THSD7B: variants seen among roughly 807,000 people sequenced by gnomAD.
THSD7B encodes thrombospondin type 1 domain containing 7B.
In THSD7B, 138 loss-of-function variants were observed where a neutral mutation model predicts 213.6. The observed-to-expected ratio is 0.65, with a 90% CI of 0.56 to 0.74. THSD7B has a LOEUF of 0.74. Among genes scored for constraint, THSD7B ranks in the 30% least tolerant of loss-of-function variants. THSD7B has a pLI of 0.00. For synonymous variants in THSD7B, 742 were observed against 687.0 expected (o/e 1.08, Z -1.25); for missense variants, 1,931 against 1,991.5 (o/e 0.97, Z 0.58).
intron 15 of THSD7B, among the ~76,000 whole-genome samples, chr2:137,541,227 G>C (rs1194529143): frequency 6.6e-6 from 1 of 151,484 alleles, no homozygotes; most frequent in African/African-American, 2.4e-5. Context: ...CTTTGGGAGA[G>C]TGAAGAATCT....
intron 3 of THSD7B, among the ~76,000 whole-genome samples, chr2:137,073,476 CTCTTT>C (rs1182340202): frequency 2.6e-5 from 4 of 152,122 alleles, no homozygotes. Flanking sequence ...TGATTCTTCT[CTCTTT>C]TCTTCTTAGT....
At chr2:136,850,865 A>G (rs1683088122) in intron 1 of THSD7B, among the ~76,000 whole-genome samples, 1 of 151,950 alleles carries the variant, frequency 6.6e-6, no homozygotes, top group Non-Finnish European at 1.5e-5. Context: ...AATAATTTTT[A>G]AAAGCCCTAG....
chr2:136,837,963 A>T (rs923282069), intron 1 of THSD7B, among the ~76,000 whole-genome samples: 5 of 152,220 alleles, frequency 3.3e-5, no homozygotes, highest in African/African-American at 1.2e-4. Flanking sequence ...CTGGCTGTCT[A>T]GTTACTAACT....
At chr2:137,591,926 T>C (rs79117301) in intron 17 of THSD7B, among the ~76,000 whole-genome samples, 2,810 of 151,928 alleles carry the variant, frequency 0.018, 90 homozygotes, top group African/African-American at 0.063. Context: ...TTAGCTCTTT[T>C]TTTTATTTTT....
intron 14 of THSD7B, among the ~76,000 whole-genome samples, chr2:137,426,906 G>A (rs1687067857): frequency 6.6e-6 from 1 of 152,032 alleles, no homozygotes; most frequent in South Asian, 2.1e-4. Flanking sequence ...TCAATAAGGG[G>A]TTAATACCCA....
At chr2:137,110,083 G>A (rs1688321161) in intron 4 of THSD7B, among the ~76,000 whole-genome samples, 1 of 152,050 alleles carries the variant, frequency 6.6e-6, no homozygotes, top group Non-Finnish European at 1.5e-5. Context: ...GGACTCTGAG[G>A]ATTTCCCTCG....
intron 2 of THSD7B, among the ~76,000 whole-genome samples, chr2:136,925,063 T>TTG (rs905154750): frequency 1.3e-4 from 20 of 152,230 alleles, no homozygotes; most frequent in East Asian, 7.7e-4. Flanking sequence ...GTAAGAGTTT[T>TTG]TGTGTGTGTG....
chr2:137,515,725 T>A (rs974426349), intron 15 of THSD7B, among the ~76,000 whole-genome samples: 1 of 148,454 alleles, frequency 6.7e-6, no homozygotes, highest in Non-Finnish European at 1.5e-5. Context: ...AATAATTTAT[T>A]TCCTTGGTTA....
intron 14 of THSD7B, among the ~76,000 whole-genome samples, chr2:137,420,437 A>T (rs950695451): frequency 4.6e-5 from 7 of 152,182 alleles, no homozygotes; most frequent in African/African-American, 1.4e-4. Flanking sequence ...CTTGCCCGGC[A>T]GCCCTTTCCT....
chr2:136,788,446 A>G (rs186430064), intron 1 of THSD7B, among the ~76,000 whole-genome samples: 1 of 152,310 alleles, frequency 6.6e-6, no homozygotes, highest in East Asian at 1.9e-4. Context: ...AAAGAACACA[A>G]TCTGTTTGTT....
At chr2:137,407,580 A>T (rs1026088673) in intron 13 of THSD7B, among the ~76,000 whole-genome samples, 3 of 152,142 alleles carry the variant, frequency 2.0e-5, no homozygotes, top group Non-Finnish European at 4.4e-5. Context: ...ATCTCTAAGT[A>T]ATTTGGTAGT....
intron 3 of THSD7B, among the ~76,000 whole-genome samples, chr2:137,061,639 G>A (rs1018999456): frequency 2.0e-5 from 3 of 151,428 alleles, no homozygotes; most frequent in African/African-American, 7.3e-5. Context: ...TTGTTCATTA[G>A]CCTGTTTATG....
chr2:137,581,063 TG>T (rs1291639754), intron 17 of THSD7B, among the ~76,000 whole-genome samples: 3 of 152,234 alleles, frequency 2.0e-5, no homozygotes, highest in African/African-American at 7.2e-5. Flanking sequence ...TCTGAGCTTT[TG>T]TTAAACAAAT....
intron 9 of THSD7B, among the ~76,000 whole-genome samples, chr2:137,237,430 G>C (rs1053310616): frequency 6.6e-6 from 1 of 152,178 alleles, no homozygotes; most frequent in Non-Finnish European, 1.5e-5. Flanking sequence ...TTTGTCTTCA[G>C]GCTTTGATAG....
chr2:136,888,355 A>T (rs907331531), intron 2 of THSD7B, among the ~76,000 whole-genome samples: 1 of 152,126 alleles, frequency 6.6e-6, no homozygotes, highest in African/African-American at 2.4e-5. Context: ...AGTATCTTAC[A>T]TATATTAATA....
At position 137,356,959 on chromosome 2, in the gene THSD7B, C is replaced by CACACAG. The variant is rs1213837061; in HGVS notation, c.2501-48649_2501-48648insGACACA. Among the ~76,000 whole-genome samples, 127 of 95,676 alleles carry CACACAG rather than the reference C, an allele frequency of 1.3e-3. 1 individual carries two copies. The highest frequency in any genetic ancestry group is 6.0e-3 in the Middle Eastern group (1 of 166). 62.8% of individuals were successfully genotyped at this position (95,676 alleles called of 152,430 possible). A position where few individuals can be genotyped will look rare whatever the true frequency, so the allele number is the denominator to read the frequency against. On this transcript the variant is annotated intron_variant, in intron 12 of 27. Transcript: ENST00000409968. ...ACACACACACACATACACACACACA[C>CACACAG]ACACACAGACACACACACACACACA...
At chr2:136,997,918 G>C (rs538860511) in intron 2 of THSD7B, among the ~76,000 whole-genome samples, 1 of 152,188 alleles carries the variant, frequency 6.6e-6, no homozygotes, top group East Asian at 1.9e-4. Flanking sequence ...AAGACACAAA[G>C]GGTTCCTCAT....
At chr2:137,111,556 G>C (rs1263448062) in intron 4 of THSD7B, among the ~76,000 whole-genome samples, 2 of 152,228 alleles carry the variant, frequency 1.3e-5, no homozygotes, top group South Asian at 2.1e-4. Flanking sequence ...GGAGAAATAA[G>C]ATTTTCTTCA....
intron 9 of THSD7B, among the ~76,000 whole-genome samples, chr2:137,240,473 C>G (rs982122321): frequency 1.1e-4 from 17 of 152,022 alleles, no homozygotes; most frequent in Non-Finnish European, 2.5e-4. Context: ...TGCCCTCCCT[C>G]TCTCCCTCCT....
Sources: allele counts gnomAD v4.1 joint callset (sites outside exome capture counted in the v4.1 genomes callset), GRCh38; gene constraint gnomAD v4.1.1; transcripts MANE v1.5; gene names NCBI Gene and HGNC (gene_info 2026-07-23, HGNC 2026-07-21).